Variants in ATRNL1 observed in about 807,000 individuals in gnomAD.
The protein encoded by ATRNL1 is attractin-like protein 1.
In ATRNL1, 95 loss-of-function variants were observed where a neutral mutation model predicts 182.7. The observed-to-expected ratio is 0.52, with a 90% CI of 0.44 to 0.62. The LOEUF (loss-of-function observed/expected upper bound fraction) is 0.62, where lower values mean the gene tolerates loss of function less well. Ranked by LOEUF, ATRNL1 falls within the 20% of genes least tolerant of loss-of-function variation. The pLI, the probability that ATRNL1 is intolerant of heterozygous loss-of-function variation, is 0.00. For synonymous variants in ATRNL1, 576 were observed against 568.3 expected (o/e 1.01, Z -0.19); for missense variants, 1,471 against 1,679.5 (o/e 0.88, Z 2.17).
intron 13 of ATRNL1, among the ~76,000 whole-genome samples, chr10:115,277,980 G>A (rs1222124676): frequency 2.6e-5 from 4 of 152,142 alleles, no homozygotes; most frequent in African/African-American, 7.2e-5. Context: ...AGTGTCTGTG[G>A]AAGTAAAATT....
At chr10:115,809,539 TA>T (rs1399966199) in intron 27 of ATRNL1, among the ~76,000 whole-genome samples, 4 of 152,066 alleles carry the variant, frequency 2.6e-5, no homozygotes, top group Non-Finnish European at 5.9e-5. Context: ...AATTTGTACC[TA>T]AATTTTTGAT....
chr10:115,260,077 A>T (rs745659482), intron 10 of ATRNL1, among the ~76,000 whole-genome samples: 3 of 152,200 alleles, frequency 2.0e-5, no homozygotes, highest in Non-Finnish European at 4.4e-5. Context: ...AAAGGCAAAT[A>T]ACTTCTAGAA....
chr10:115,477,824 A>T (rs1353546882), intron 24 of ATRNL1, among the ~76,000 whole-genome samples: 1 of 151,692 alleles, frequency 6.6e-6, no homozygotes, highest in Non-Finnish European at 1.5e-5. Flanking sequence ...ATTGTTATTA[A>T]AGAAGGCTTC....
At chr10:115,479,578 C>T (rs1460848641) in intron 24 of ATRNL1, among the ~76,000 whole-genome samples, 1 of 151,248 alleles carries the variant, frequency 6.6e-6, no homozygotes, top group Non-Finnish European at 1.5e-5. Flanking sequence ...CCTTAAGATC[C>T]TTTAGAAATT....
intron 26 of ATRNL1, among the ~76,000 whole-genome samples, chr10:115,718,363 C>T (rs1480408412): frequency 1.3e-5 from 2 of 152,072 alleles, no homozygotes; most frequent in African/African-American, 2.4e-5. Context: ...AAGTCAACGT[C>T]GAACAAACAA....
At chr10:115,754,621 C>T (rs1555071469) in intron 27 of ATRNL1, among the ~76,000 whole-genome samples, 1 of 152,104 alleles carries the variant, frequency 6.6e-6, no homozygotes, top group African/African-American at 2.4e-5. Flanking sequence ...CAGCTTTGTT[C>T]TTTTTGACTA....
intron 15 of ATRNL1, among the ~76,000 whole-genome samples, chr10:115,296,531 G>GGATA (rs1170471018): frequency 6.6e-6 from 1 of 152,090 alleles, no homozygotes; most frequent in Non-Finnish European, 1.5e-5. Flanking sequence ...TATCAATAAT[G>GGATA]GATAATCTAA....
At chr10:115,411,273 T>TATTTAAATTTAAAATTTTAATTTAAAC (rs1554959852) in intron 20 of ATRNL1, among the ~76,000 whole-genome samples, 21 of 150,774 alleles carry the variant, frequency 1.4e-4, no homozygotes, top group African/African-American at 4.6e-4. Flanking sequence ...ATAAATTAAA[T>TATTTAAATTTAAAATTTTAATTTAAAC]ATTTAAATTT....
chr10:115,093,864 C>T lies in ATRNL1; in HGVS notation c.114C>T (p.Asp38=), dbSNP rs2084940261. 3 of 1,572,152 alleles carry T rather than the reference C, an allele frequency of 1.9e-6. No homozygotes were observed. The highest frequency in any genetic ancestry group is 3.6e-5 in the Admixed American group (2 of 55,276). ...GGGGASSWLL[D]GNSWLLCYGF... ...GGGGCGCCTCCTCCTGGCTGCTGGA[C>T]GGGAACAGCTGGCTGCTGTGCTATG... The change falls in exon 1 of 29, where the codon GAC becomes GAT. Residue 38 remains aspartate, a synonymous_variant. Coordinates refer to ENST00000355044, the MANE Select transcript of ATRNL1 (RefSeq NM_207303.4). The surrounding 1 kb of genome is among the most constrained non-coding windows in gnomAD (Gnocchi z 6.1).
chr10:115,191,093 A>T (rs182082496), intron 8 of ATRNL1, among the ~76,000 whole-genome samples: 1 of 152,102 alleles, frequency 6.6e-6, no homozygotes, highest in Non-Finnish European at 1.5e-5. Context: ...GTGTATATGC[A>T]TAGAATTTTC....
At chr10:115,723,534 G>GTATT (rs112343950) in intron 26 of ATRNL1, among the ~76,000 whole-genome samples, 4,167 of 148,182 alleles carry the variant, frequency 0.028, 133 homozygotes, top group East Asian at 0.18. Flanking sequence ...CTTTTCTTTT[G>GTATT]TATTTATTTA....
rs868975898 is a variant in ATRNL1, at chr10:115,300,203, C to T, written c.2585C>T (p.Pro862Leu). Residue 862 changes from proline (P) to leucine (L), a missense_variant, in exon 16 of 29, where the codon CCT becomes CTT. By Grantham distance (98) the Pro-to-Leu change is moderately conservative (BLOSUM62 -3). Around this residue, in one of 3 missense-constraint regions of ATRNL1, gnomAD observed 1,031 missense variants for 1,156.0 expected, o/e 0.89. Coordinates refer to ENST00000355044, the MANE Select transcript of ATRNL1 (RefSeq NM_207303.4). The part of the protein sequence containing the change: ...RAAVAGLKAN[P>L]CTSMANGLVC... The stretch of plus-strand genomic sequence containing the variant: ...GCAGTGGCAGGCTTAAAAGCTAATC[C>T]TTGTACATCTATGGCAAATGGCCTT... 6.2e-6 allele frequency: 10 copies of T among 1,614,038 alleles called. No individual in the cohort carries two copies. The highest frequency in any genetic ancestry group is 7.6e-6 in the Non-Finnish European group (9 of 1,179,930).
At chr10:115,405,335 G>T (rs1554957936) in intron 20 of ATRNL1, among the ~76,000 whole-genome samples, 1 of 152,132 alleles carries the variant, frequency 6.6e-6, no homozygotes, top group Non-Finnish European at 1.5e-5. Flanking sequence ...GTGTGTTATA[G>T]GATGAACTAC....
chr10:115,831,075 T>G (rs1322420259), intron 27 of ATRNL1, among the ~76,000 whole-genome samples: 3 of 152,074 alleles, frequency 2.0e-5, no homozygotes, highest in African/African-American at 7.2e-5. Context: ...GAAAAAAAAA[T>G]CAAGAAAAGC....
intron 10 of ATRNL1, among the ~76,000 whole-genome samples, chr10:115,258,044 T>C (rs1554907542): frequency 1.3e-5 from 2 of 152,218 alleles, no homozygotes; most frequent in African/African-American, 4.8e-5. Flanking sequence ...CTTAACACTT[T>C]TTCCATCATC....
At chr10:115,555,619 A>G (rs1853268592) in intron 26 of ATRNL1, among the ~76,000 whole-genome samples, 1 of 151,974 alleles carries the variant, frequency 6.6e-6, no homozygotes, top group Non-Finnish European at 1.5e-5. Flanking sequence ...TACAGCAATG[A>G]ACAAGCCAAA....
intron 26 of ATRNL1, among the ~76,000 whole-genome samples, chr10:115,653,763 AT>A (rs1400566533): frequency 4.6e-5 from 7 of 152,152 alleles, no homozygotes; most frequent in Admixed American, 4.6e-4. Context: ...GTTTGCAAAT[AT>A]TGTGTCTTAT....
At chr10:115,177,505 C>G (rs1210405093) in intron 8 of ATRNL1, among the ~76,000 whole-genome samples, 1 of 152,080 alleles carries the variant, frequency 6.6e-6, no homozygotes, top group Non-Finnish European at 1.5e-5. Context: ...GGAGTTGATA[C>G]AAGGACGAGA....
intron 15 of ATRNL1, among the ~76,000 whole-genome samples, chr10:115,287,948 AG>A (rs1852707811): frequency 2.3e-5 from 1 of 43,862 alleles, no homozygotes; most frequent in East Asian, 6.6e-4. Flanking sequence ...TTTTTTTTTT[AG>A]CTTCCACTTA....
Sources: gnomAD v4.1 joint callset for allele counts (sites outside exome capture counted in the v4.1 genomes callset) on GRCh38, gnomAD v4.1.1 for gene constraint, gnomAD v4.1.1 regional missense constraint, Gnocchi (gnomAD v3.1) non-coding constraint, MANE v1.5 for transcripts, NCBI Gene and HGNC (gene_info 2026-07-23, HGNC 2026-07-21) for gene names.